NLN: variants seen among roughly 807,000 people sequenced by gnomAD.
The protein encoded by NLN is neurolysin, mitochondrial.
NLN carries 64 observed loss-of-function variants against 79.9 expected under a neutral mutation model. The ratio of observed to expected loss-of-function variants is 0.80; its 90% confidence interval spans 0.65 to 0.99. The LOEUF (loss-of-function observed/expected upper bound fraction) is 0.99. NLN is among the 50% of genes least tolerant of loss of function. The pLI is 0.00. For missense variants in NLN, 835 were observed against 858.7 expected (o/e 0.97, Z 0.34); for synonymous variants, 267 against 296.6 (o/e 0.90, Z 1.02).
intron 1 of NLN, among the ~76,000 whole-genome samples, chr5:65,739,052 A>ATATAAAT (rs1758815872): frequency 2.1e-5 from 3 of 144,842 alleles, no homozygotes; most frequent in African/African-American, 7.6e-5. Context: ...AAAAATATAT[A>ATATAAAT]TAAATTAGCC....
At chr5:65,772,953 G>GT (rs34968007) in intron 3 of NLN, among the ~76,000 whole-genome samples, 136 of 140,576 alleles carry the variant, frequency 9.7e-4, no homozygotes, top group African/African-American at 1.9e-3. Context: ...ATTCTTTTTT[G>GT]TTTTTTTTTT....
chr5:65,768,375 A>G (rs1025679094), intron 3 of NLN, among the ~76,000 whole-genome samples: 5 of 152,170 alleles, frequency 3.3e-5, no homozygotes, highest in Non-Finnish European at 7.3e-5. Flanking sequence ...AGCATTAGAC[A>G]CTTATAAAAC....
At chr5:65,749,746 C>T (rs950556195) in intron 1 of NLN, among the ~76,000 whole-genome samples, 2 of 152,158 alleles carry the variant, frequency 1.3e-5, no homozygotes, top group Admixed American at 6.5e-5. Context: ...TTAGTAAGCT[C>T]AGTCAGTGAA....
chr5:65,788,572 A>G (rs1441028151), intron 8 of NLN, 88 bp downstream of exon 8: 10 of 1,333,662 alleles, frequency 7.5e-6, no homozygotes, highest in African/African-American at 2.9e-5. Context: ...ACAGTGGCTC[A>G]TGCCTGTAAT....
At chr5:65,797,232 T>A (rs928455067) in intron 9 of NLN, among the ~76,000 whole-genome samples, 2 of 152,244 alleles carry the variant, frequency 1.3e-5, no homozygotes, top group African/African-American at 2.4e-5. Flanking sequence ...CTGTGTTGTG[T>A]TGTACATTAA....
chr5:65,752,618 A>G (rs931080866), intron 1 of NLN, among the ~76,000 whole-genome samples: 3 of 152,170 alleles, frequency 2.0e-5, no homozygotes, highest in African/African-American at 7.2e-5. Context: ...CTGCAGAGGC[A>G]CGGAAGGGGA....
intron 6 of NLN, among the ~76,000 whole-genome samples, chr5:65,784,030 T>C (rs994818962): frequency 4.6e-5 from 7 of 152,146 alleles, no homozygotes; most frequent in African/African-American, 1.7e-4. Flanking sequence ...ATTTTTATTT[T>C]CCACATCTTG....
chr5:65,731,098 C>G (rs190374999), intron 1 of NLN, among the ~76,000 whole-genome samples: 59 of 152,354 alleles, frequency 3.9e-4, no homozygotes, highest in African/African-American at 1.3e-3. Context: ...TATCCTCTCT[C>G]ACATGTTTGG....
At chr5:65,739,396 C>T (rs1344842435) in intron 1 of NLN, among the ~76,000 whole-genome samples, 2 of 152,072 alleles carry the variant, frequency 1.3e-5, no homozygotes, top group African/African-American at 4.8e-5. Flanking sequence ...ATGTATACCA[C>T]ATTTTCTATA....
intron 12 of NLN, among the ~76,000 whole-genome samples, chr5:65,822,246 A>G (rs989289400): frequency 1.3e-5 from 2 of 152,224 alleles, no homozygotes; most frequent in African/African-American, 4.8e-5. Flanking sequence ...CGGACCCACA[A>G]AAATGTCTTG....
In NLN at chr5:65,758,805, G is replaced by A; in HGVS notation, c.280G>A (p.Asp94Asn). ...TYENCLQALA[D>N]VEVKYIVERT... The stretch of plus-strand genomic sequence containing the variant: ...CGAGAACTGTCTGCAGGCACTGGCA[G>A]ATGTAGAAGTAAAGTATATAGGTGG... Residue 94 changes from aspartate to asparagine, a missense_variant, in exon 2 of 13, where the codon GAT becomes AAT. Coordinates refer to ENST00000380985, the MANE Select transcript of NLN (RefSeq NM_020726.5). The A allele has an allele frequency of 6.2e-7, 1 of 1,613,616 alleles. No individual in the cohort carries two copies.
At chr5:65,770,932 T>C (rs1262444345) in intron 3 of NLN, among the ~76,000 whole-genome samples, 1 of 152,142 alleles carries the variant, frequency 6.6e-6, no homozygotes, top group Non-Finnish European at 1.5e-5. Flanking sequence ...AGCAAAACTA[T>C]ACAATATATA....
At chr5:65,802,629 G>A (rs1418075309) in intron 9 of NLN, among the ~76,000 whole-genome samples, 9 of 152,296 alleles carry the variant, frequency 5.9e-5, no homozygotes, top group South Asian at 2.1e-4. Flanking sequence ...TTCCTGTCCC[G>A]TGCCCAGGAA....
chr5:65,752,296 C>G (rs1440012141), intron 1 of NLN, among the ~76,000 whole-genome samples: 1 of 151,186 alleles, frequency 6.6e-6, no homozygotes, highest in South Asian at 2.1e-4. Context: ...ACAGAGGAGA[C>G]GATGAAGAAG....
chr5:65,815,513 A>G (rs1046635813), intron 12 of NLN, among the ~76,000 whole-genome samples: 4 of 152,224 alleles, frequency 2.6e-5, no homozygotes, highest in African/African-American at 9.6e-5. Context: ...TGCTGTTATT[A>G]TTAGATGTCT....
chr5:65,792,654 A>T lies in NLN; in HGVS notation c.1526A>T (p.Gln509Leu), dbSNP rs1490443763. The change falls in exon 9 of 13, where the codon CAG becomes CTG. Residue 509 changes from glutamine to leucine, a missense_variant and splice_region_variant. Physicochemically the swap from Gln to Leu is moderately radical, Grantham distance 113. Transcript: ENST00000380985. ...FGHVMHQICA[Q>L]TDFARFSGTN... Reference sequence around the variant, plus strand: ...CACGTGATGCATCAGATTTGTGCACAGGTGAGTTTTTTTTTTCCCCCAGTA... The same window carrying T: ...CACGTGATGCATCAGATTTGTGCACTGGTGAGTTTTTTTTTTCCCCCAGTA... The T allele has an allele frequency of 6.2e-7, 1 of 1,610,600 alleles. No individual in the cohort carries two copies. Among genetic ancestry groups the T allele is most frequent in the East Asian group, 2.2e-5 (1 of 44,860 alleles).
At chr5:65,759,568 A>C (rs1015308044) in intron 2 of NLN, among the ~76,000 whole-genome samples, 2 of 152,146 alleles carry the variant, frequency 1.3e-5, no homozygotes, top group Non-Finnish European at 2.9e-5. Flanking sequence ...AAGAGAGCTG[A>C]TGTTCCAGCT....
At chr5:65,743,612 T>C (rs1758913625) in intron 1 of NLN, among the ~76,000 whole-genome samples, 1 of 152,216 alleles carries the variant, frequency 6.6e-6, no homozygotes, top group African/African-American at 2.4e-5. Flanking sequence ...TATGTCTGTA[T>C]GTGCAGAATG....
At chr5:65,722,556 G>A (rs1758339868) in intron 1 of NLN, 142 bp downstream of exon 1, 2 of 739,766 alleles carry the variant, frequency 2.7e-6, no homozygotes, top group Non-Finnish European at 2.1e-6. Flanking sequence ...CTTGCAAGGT[G>A]GACCCCTGGG....
Sources: gnomAD v4.1 joint callset for allele counts (sites outside exome capture counted in the v4.1 genomes callset) on GRCh38, gnomAD v4.1.1 for gene constraint, MANE v1.5 for transcripts, NCBI Gene and HGNC (gene_info 2026-07-23, HGNC 2026-07-21) for gene names.